The following FBXL17 variants were observed in gnomAD, a reference collection of about 807,000 sequenced individuals.
FBXL17 encodes the protein F-box and leucine rich repeat protein 17.
A neutral mutation model predicts 66.2 loss-of-function variants in FBXL17; 22 were observed. That is an observed-to-expected ratio of 0.33 (90% CI 0.24 to 0.47). The LOEUF is 0.47. FBXL17 is among the 20% of genes least tolerant of loss of function. The probability of loss-of-function intolerance (pLI) is 1.00; values close to 1 mark genes in which losing one functional copy is unlikely to be tolerated. For missense variants in FBXL17, 878 were observed against 948.2 expected (o/e 0.93, Z 0.97); for synonymous variants, 474 against 400.5 (o/e 1.18, Z -2.19).
chr5:108,173,266 G>A (rs1752673655), intron 6 of FBXL17, among the ~76,000 whole-genome samples: 1 of 152,152 alleles, frequency 6.6e-6, no homozygotes, highest in African/African-American at 2.4e-5. Context: ...CGGGATGGGG[G>A]AGGGATAGCT....
chr5:107,967,403 C>T (rs1199018046), intron 7 of FBXL17, among the ~76,000 whole-genome samples: 1 of 151,256 alleles, frequency 6.6e-6, no homozygotes, highest in Non-Finnish European at 1.5e-5. Flanking sequence ...GTTTATATAC[C>T]CTTCTCCGAG....
At chr5:108,273,578 A>C (rs1757364753) in intron 4 of FBXL17, among the ~76,000 whole-genome samples, 1 of 151,328 alleles carries the variant, frequency 6.6e-6, no homozygotes, top group Admixed American at 6.6e-5. Context: ...ATATTTCCAA[A>C]GCTATGCTCA....
chr5:108,068,483 T>A (rs1330538063), intron 6 of FBXL17, among the ~76,000 whole-genome samples: 4 of 149,816 alleles, frequency 2.7e-5, no homozygotes, highest in African/African-American at 9.8e-5. Context: ...GGGAATGGAG[T>A]CTCGCTCTGT....
Position 108,309,254 on chromosome 5 carries a change from AT to A in FBXL17, c.1506+39144del, listed in dbSNP as rs141830990. 1.2e-3 allele frequency among the ~76,000 whole-genome samples: 181 copies of A among 152,170 alleles called. 10 individuals carry two copies. The East Asian group carries it at 0.031, about 26-fold the overall frequency. ...TAAGCCAAAATAACAGAGCATAGCC[AT>A]TTTTAATATTAAAATACATACATTT... On this transcript the variant is annotated intron_variant, in intron 4 of 8. Coordinates refer to ENST00000542267, the MANE Select transcript of FBXL17 (RefSeq NM_001163315.3).
intron 3 of FBXL17, among the ~76,000 whole-genome samples, chr5:108,355,260 CTTTATTTATTTA>C (rs144119979): frequency 0.031 from 4,317 of 141,458 alleles, 222 homozygotes; most frequent in African/African-American, 0.1. Context: ...GGATGAAAAA[CTTTATTTATTTA>C]TTTATTTATT....
At chr5:108,114,472 A>C (rs931015889) in intron 6 of FBXL17, among the ~76,000 whole-genome samples, 6 of 152,234 alleles carry the variant, frequency 3.9e-5, no homozygotes, top group African/African-American at 1.4e-4. Context: ...TTAGGCAAGA[A>C]AATAATTTTA....
intron 4 of FBXL17, among the ~76,000 whole-genome samples, chr5:108,318,688 G>A (rs1759482882): frequency 6.6e-6 from 1 of 151,782 alleles, no homozygotes; most frequent in Non-Finnish European, 1.5e-5. Flanking sequence ...TAATTTTACA[G>A]GATTAAGAGC....
intron 3 of FBXL17, among the ~76,000 whole-genome samples, chr5:108,354,209 T>C (rs115102673): frequency 0.011 from 1,674 of 152,184 alleles, 47 homozygotes; most frequent in African/African-American, 0.038. Context: ...GAAAAGACAA[T>C]TTCAGGAGAC....
At chr5:107,989,820 A>G (rs1423972436) in intron 7 of FBXL17, among the ~76,000 whole-genome samples, 2 of 152,174 alleles carry the variant, frequency 1.3e-5, no homozygotes, top group Non-Finnish European at 2.9e-5. Context: ...TTCTACATAA[A>G]TAAAAAAAAT....
intron 4 of FBXL17, among the ~76,000 whole-genome samples, chr5:108,264,094 A>G (rs1290724798): frequency 6.6e-6 from 1 of 151,788 alleles, no homozygotes; most frequent in Non-Finnish European, 1.5e-5. Flanking sequence ...ACACAACTGT[A>G]GTCCTAGCTA....
In FBXL17 at chr5:107,994,510, T is replaced by A. The variant is rs182998532; in HGVS notation, c.1822+26415A>T. On this transcript the variant is annotated intron_variant, in intron 7 of 8. Transcript: ENST00000542267. Reference sequence around the variant, plus strand: ...AAGATAGCATTAAAACTGCATATTTTAAAAAATAAACATAAAGGGCAATAA... The same window carrying A: ...AAGATAGCATTAAAACTGCATATTTAAAAAAATAAACATAAAGGGCAATAA... 5.5e-4 allele frequency among the ~76,000 whole-genome samples: 83 copies of A among 152,118 alleles called. No homozygotes were observed. The Middle Eastern group carries it at 0.01, about 19-fold the overall frequency.
Position 108,064,242 on chromosome 5 carries a change from CATAAAG to C in FBXL17, c.1746-43247_1746-43242del, listed in dbSNP as rs143668307. Among the ~76,000 whole-genome samples the C allele has an allele frequency of 5.5e-3, 834 of 152,166 alleles. 6 individuals carry two copies. The highest frequency in any genetic ancestry group is 0.019 in the African/African-American group (802 of 41,508). On this transcript the variant is annotated intron_variant, in intron 6 of 8. Coordinates refer to ENST00000542267, the MANE Select transcript of FBXL17 (RefSeq NM_001163315.3). ...TTTTATTCTATTCTGAGTTATTCTG[CATAAAG>C]ATAATTTTCTGAGTCCATCAAGTTT...
intron 6 of FBXL17, among the ~76,000 whole-genome samples, chr5:108,107,448 AC>A (rs1749844974): frequency 6.6e-6 from 1 of 152,226 alleles, no homozygotes; most frequent in Non-Finnish European, 1.5e-5. Flanking sequence ...CAAAGTGTCT[AC>A]ATGATCAGTC....
chr5:107,990,053 A>G (rs777676458), intron 7 of FBXL17, among the ~76,000 whole-genome samples: 34 of 152,178 alleles, frequency 2.2e-4, no homozygotes, highest in Non-Finnish European at 4.6e-4. Context: ...GTAACTGAGC[A>G]ACATATTCTA....
At chr5:108,254,491 G>A (rs888258656) in intron 4 of FBXL17, among the ~76,000 whole-genome samples, 4 of 152,112 alleles carry the variant, frequency 2.6e-5, no homozygotes, top group Admixed American at 2.6e-4. Flanking sequence ...ATCTGCTAAG[G>A]ATCAGAAATC....
chr5:107,948,344 G>A (rs1195165820), intron 7 of FBXL17, among the ~76,000 whole-genome samples: 2 of 152,006 alleles, frequency 1.3e-5, no homozygotes, highest in East Asian at 1.9e-4. Flanking sequence ...ATTCAGCATC[G>A]TGTGACTGAA....
chr5:108,174,467 T>G (rs942791343), intron 6 of FBXL17, among the ~76,000 whole-genome samples: 25 of 152,146 alleles, frequency 1.6e-4, no homozygotes, highest in African/African-American at 6.0e-4. Flanking sequence ...TTTGCTGATG[T>G]GATTTGCAGT....
rs576788830 is a variant in FBXL17, at chr5:108,228,751, T to C, written c.1507-4523A>G. Among the ~76,000 whole-genome samples the C allele has an allele frequency of 2.6e-5, 4 of 152,288 alleles. No homozygotes were observed. In the South Asian group the frequency reaches 6.2e-4, roughly 24 times the overall value. On this transcript the variant is annotated intron_variant, in intron 4 of 8. Transcript: ENST00000542267. ...GCATTATAGTTTCTTCTCCTGGTTA[T>C]CACAAGAGATCCTGATCATAATTTG...
At chr5:108,367,316 T>C (rs76271682) in intron 2 of FBXL17, among the ~76,000 whole-genome samples, 1,589 of 151,564 alleles carry the variant, frequency 0.01, 33 homozygotes, top group African/African-American at 0.035. Context: ...GAGTAGAAAG[T>C]CCACCAAAAG....
Sources: gnomAD v4.1 joint callset for allele counts (sites outside exome capture counted in the v4.1 genomes callset) on GRCh38, gnomAD v4.1.1 for gene constraint, MANE v1.5 for transcripts, NCBI Gene and HGNC (gene_info 2026-07-23, HGNC 2026-07-21) for gene names.